Variants in KIF2A observed in about 807,000 individuals in gnomAD.
KIF2A encodes the protein kinesin family member 2A.
Under a neutral mutation model 100.2 loss-of-function variants are expected in KIF2A, and 22 were observed. That is an observed-to-expected ratio of 0.22 (90% CI 0.16 to 0.31). The LOEUF (loss-of-function observed/expected upper bound fraction) is 0.31, where lower values mean the gene tolerates loss of function less well. Ranked by LOEUF, KIF2A falls within the 10% of genes least tolerant of loss-of-function variation. The probability of loss-of-function intolerance (pLI) is 1.00; values close to 1 mark genes in which losing one functional copy is unlikely to be tolerated. For synonymous variants in KIF2A, 268 were observed against 285.9 expected, an observed-to-expected ratio of 0.94 and a Z score of 0.63; for missense variants, 495 against 898.7, an observed-to-expected ratio of 0.55 and a Z score of 5.74.
intron 1 of KIF2A, among the ~76,000 whole-genome samples, chr5:62,338,752 A>G (rs891621532): frequency 4.5e-4 from 68 of 152,214 alleles, no homozygotes; most frequent in African/African-American, 1.6e-3. Context: ...CACCATAAAG[A>G]ACATGAAAAG....
At position 62,373,697 on chromosome 5, in the gene KIF2A, T is replaced by C; in HGVS notation, c.1771T>C (p.Leu591=). 3 of 1,613,298 alleles carry C rather than the reference T, an allele frequency of 1.9e-6. No individual in the cohort carries two copies. Among genetic ancestry groups the C allele is most frequent in the Non-Finnish European group, 1.7e-6 (2 of 1,179,328 alleles). Residue 591 remains leucine, a synonymous_variant, in exon 18 of 21, where the codon TTG becomes CTG. Transcript: ENST00000407818. The part of the protein sequence containing the change: ...FSPSVTRVKE[L]TVDPTAAGDV... ...CTTATGTATTTATAGGGTCAAAGAA[T>C]TGACTGTAGATCCAACTGCTGCTGG...
chr5:62,347,013 T>C (rs973503039), intron 1 of KIF2A, 117 bp from the exon 2 acceptor site: 2 of 619,552 alleles, frequency 3.2e-6, no homozygotes, highest in African/African-American at 1.9e-5. Flanking sequence ...AAATCTCTTG[T>C]AAGGAAAAGT....
At chr5:62,355,095 A>G (rs933778844) in intron 6 of KIF2A, 64 bp from the exon 7 acceptor site, 7 of 774,764 alleles carry the variant, frequency 9.0e-6, no homozygotes, top group Non-Finnish European at 1.5e-5. Flanking sequence ...TTTTCAAACC[A>G]AATATAAATG....
At chr5:62,346,615 C>T (rs1747584098) in intron 1 of KIF2A, among the ~76,000 whole-genome samples, 1 of 152,088 alleles carries the variant, frequency 6.6e-6, no homozygotes, top group African/African-American at 2.4e-5. Context: ...TGATGCATGG[C>T]TGTAATCTCA....
intron 1 of KIF2A, among the ~76,000 whole-genome samples, chr5:62,343,115 C>G (rs1747384658): frequency 6.6e-6 from 1 of 152,176 alleles, no homozygotes; most frequent in African/African-American, 2.4e-5. Flanking sequence ...CAGTAAACCT[C>G]TTGTACTCCC....
At chr5:62,314,803 C>G (rs771049190) in intron 1 of KIF2A, among the ~76,000 whole-genome samples, 5 of 133,580 alleles carry the variant, frequency 3.7e-5, no homozygotes, top group Admixed American at 2.6e-4. Context: ...CACTCTGTCA[C>G]CCAGGCTGTA....
chr5:62,347,071 G>T, intron 1 of KIF2A, 59 bp from the exon 2 acceptor site: 1 of 858,544 alleles, frequency 1.2e-6, no homozygotes. Context: ...GTATTTCACA[G>T]TGTTTAGGAA....
intron 4 of KIF2A, among the ~76,000 whole-genome samples, chr5:62,352,374 C>T (rs543750336): frequency 6.6e-6 from 1 of 152,020 alleles, no homozygotes; most frequent in East Asian, 1.9e-4. Context: ...TAAGTCTGCA[C>T]GTATTACTTT....
intron 13 of KIF2A, 140 bp from the exon 14 acceptor site, chr5:62,363,553 ACT>A (rs1290749724): frequency 1.6e-5 from 12 of 758,178 alleles, no homozygotes; most frequent in Non-Finnish European, 2.5e-5. Flanking sequence ...AAGTGTTATA[ACT>A]CAGTGTCTCA....
chr5:62,363,461 G>T (rs2111959906), intron 13 of KIF2A, 141 bp downstream of exon 13: 1 of 793,504 alleles, frequency 1.3e-6, no homozygotes, highest in Non-Finnish European at 2.0e-6. Context: ...ATGTAAATGT[G>T]AGTGACAATT....
rs879080911 is a variant in KIF2A at position 62,388,594 on chromosome 5, G to A, written c.*3025G>A. ...ATGGTACGGGGAATGTGAATAACAC[G>A]AAATGGTATGGGGAATGTGTGACTA... On this transcript the variant is annotated 3_prime_UTR_variant, in exon 21 of 21. Transcript: ENST00000407818. 5.6e-5 allele frequency: 9 copies of A among 161,034 alleles called. No individual in the cohort carries two copies. Among genetic ancestry groups the A allele is most frequent in the South Asian group, 1.8e-4 (1 of 5,554 alleles). The allele number at this position is 161,034 out of a possible 1,614,324, so 10.0% of individuals were successfully genotyped here.
At chr5:62,349,081 G>A (rs1419694602) in intron 3 of KIF2A, among the ~76,000 whole-genome samples, 1 of 152,008 alleles carries the variant, frequency 6.6e-6, no homozygotes, top group African/African-American at 2.4e-5. Flanking sequence ...CCACTTAGAG[G>A]TTATTAGTTA....
chr5:62,322,752 A>G (rs1159460476), intron 1 of KIF2A, among the ~76,000 whole-genome samples: 1 of 152,032 alleles, frequency 6.6e-6, no homozygotes, highest in African/African-American at 2.4e-5. Flanking sequence ...GGTATAATGT[A>G]TCAATATTTA....
At chr5:62,329,517 G>A (rs1377543306) in intron 1 of KIF2A, among the ~76,000 whole-genome samples, 2 of 152,182 alleles carry the variant, frequency 1.3e-5, no homozygotes, top group Admixed American at 1.3e-4. Context: ...TCTGTCCTCA[G>A]TTACTGGTCA....
At chr5:62,328,232 G>A (rs1348539811) in intron 1 of KIF2A, among the ~76,000 whole-genome samples, 1 of 151,862 alleles carries the variant, frequency 6.6e-6, no homozygotes, top group Non-Finnish European at 1.5e-5. Flanking sequence ...ACGAAGAATA[G>A]CCTTTTAATT....
At chr5:62,313,502 G>A (rs1046127564) in intron 1 of KIF2A, among the ~76,000 whole-genome samples, 6 of 151,958 alleles carry the variant, frequency 3.9e-5, no homozygotes, top group African/African-American at 9.7e-5. Context: ...ATAGGCATGC[G>A]CCAACATGCC....
At chr5:62,350,959 C>T (rs952766179) in intron 4 of KIF2A, among the ~76,000 whole-genome samples, 5 of 151,446 alleles carry the variant, frequency 3.3e-5, no homozygotes, top group African/African-American at 9.7e-5. Context: ...TGGCTGGGAA[C>T]GGTGGCTCAC....
intron 3 of KIF2A, among the ~76,000 whole-genome samples, chr5:62,348,993 C>A (rs1404364807): frequency 1.3e-5 from 2 of 152,120 alleles, no homozygotes; most frequent in African/African-American, 4.8e-5. Context: ...ATAGAAGCAA[C>A]AAAACTTTGT....
rs188007254 is a variant in KIF2A, at chr5:62,323,509, C to T, written c.64+16973C>T. ...CTGCACTCCAGCCTGGGCGACAGAG[C>T]GAGACTCTGTCTCAAAGAAAAAAAA... On this transcript the variant is annotated intron_variant, in intron 1 of 20. Transcript: ENST00000407818. Among the ~76,000 whole-genome samples the T allele has an allele frequency of 6.8e-3, 980 of 143,508 alleles. 17 individuals carry two copies. Among genetic ancestry groups the T allele is most frequent in the African/African-American group, 0.024 (936 of 38,482 alleles). 94.1% of individuals were successfully genotyped at this position (143,508 alleles called of 152,430 possible). A position where few individuals can be genotyped will look rare whatever the true frequency, so the allele number is the denominator to read the frequency against.
Sources: allele counts gnomAD v4.1 joint callset (sites outside exome capture counted in the v4.1 genomes callset), GRCh38; gene constraint gnomAD v4.1.1; transcripts MANE v1.5; gene names NCBI Gene and HGNC (gene_info 2026-07-23, HGNC 2026-07-21).